PCLO: variants seen among roughly 807,000 people sequenced by gnomAD.
PCLO encodes protein piccolo.
A neutral mutation model predicts 427.5 loss-of-function variants in PCLO; 82 were observed. That is an observed-to-expected ratio of 0.19 (90% CI 0.16 to 0.23). The LOEUF is 0.23. Ranked by LOEUF, PCLO falls within the 10% of genes least tolerant of loss-of-function variation. The pLI is 1.00. For missense variants in PCLO, 6,239 were observed against 6,115.9 expected (o/e 1.02, Z -0.67); for synonymous variants, 2,357 against 2,155.4 (o/e 1.09, Z -2.59).
At chr7:82,917,896 C>T (rs1294931027) in intron 6 of PCLO, among the ~76,000 whole-genome samples, 3 of 151,924 alleles carry the variant, frequency 2.0e-5, no homozygotes, top group Admixed American at 2.0e-4. Flanking sequence ...AATTAGATCA[C>T]ATTTTTCCAA....
intron 3 of PCLO, among the ~76,000 whole-genome samples, chr7:83,039,612 G>C (rs1788921582): frequency 2.0e-5 from 3 of 152,078 alleles, no homozygotes; most frequent in Non-Finnish European, 4.4e-5. Context: ...TTTGTAGTAA[G>C]TTTTGAAATT....
At chr7:83,046,391 T>C in intron 3 of PCLO, among the ~76,000 whole-genome samples, 1 of 152,062 alleles carries the variant, frequency 6.6e-6, no homozygotes, top group East Asian at 1.9e-4. Flanking sequence ...ATTTACCATG[T>C]TGTTTCAGAT....
At position 82,914,748 on chromosome 7, in the gene PCLO, C is replaced by T. The variant is rs1415604719; in HGVS notation, c.13238G>A (p.Gly4413Asp). 1.2e-6 allele frequency: 2 copies of T among 1,613,258 alleles called. No individual in the cohort carries two copies. Among genetic ancestry groups the T allele is most frequent in the Non-Finnish European group, 1.7e-6 (2 of 1,179,590 alleles). Residue 4413 changes from glycine to aspartate, a missense_variant, in exon 7 of 25, where the codon GGC becomes GAC. Gly to Asp is a moderately conservative substitution (Grantham distance 94). Coordinates refer to ENST00000333891, the MANE Select transcript of PCLO (RefSeq NM_033026.6). ...QHMREESRTR[G>D]YDRDIAFIMD... Reference sequence around the variant, plus strand: ...GATGAATGCTATGTCACGGTCATAGCCTCGAGTCCGTGATTCTTCCCTCAT... The same window carrying T: ...GATGAATGCTATGTCACGGTCATAGTCTCGAGTCCGTGATTCTTCCCTCAT...
intron 3 of PCLO, among the ~76,000 whole-genome samples, chr7:83,038,118 TGCACACACACAC>T: frequency 8.3e-6 from 1 of 121,140 alleles, no homozygotes; most frequent in Admixed American, 9.9e-5. Context: ...TGTATATATA[TGCACACACACAC>T]ATACACACAC....
At chr7:82,922,332 C>A (rs1198484514) in intron 6 of PCLO, among the ~76,000 whole-genome samples, 1 of 151,942 alleles carries the variant, frequency 6.6e-6, no homozygotes, top group Non-Finnish European at 1.5e-5. Flanking sequence ...GACATAGAAC[C>A]AAGCCAGATG....
intron 3 of PCLO, among the ~76,000 whole-genome samples, chr7:83,037,907 G>C: frequency 7.3e-6 from 1 of 136,578 alleles, no homozygotes; most frequent in South Asian, 2.3e-4. Flanking sequence ...TATAATGTTG[G>C]TTCTCTTTAC....
chr7:82,995,881 A>G (rs1175405902), intron 3 of PCLO, among the ~76,000 whole-genome samples: 2 of 151,970 alleles, frequency 1.3e-5, no homozygotes, highest in African/African-American at 4.8e-5. Context: ...TGTTTGACAT[A>G]TAAGTATGTT....
intron 22 of PCLO, among the ~76,000 whole-genome samples, chr7:82,783,410 C>G (rs1790916047): frequency 6.6e-6 from 1 of 152,016 alleles, no homozygotes; most frequent in Non-Finnish European, 1.5e-5. Context: ...GTCAGGAGAT[C>G]GAGACCATCC....
chr7:82,940,008 T>C (rs893988636), intron 6 of PCLO, among the ~76,000 whole-genome samples: 4 of 152,162 alleles, frequency 2.6e-5, no homozygotes, highest in African/African-American at 9.6e-5. Flanking sequence ...TATGGACTTA[T>C]ATTAAAATGA....
At chr7:83,045,490 TC>T (rs1404054205) in intron 3 of PCLO, among the ~76,000 whole-genome samples, 2 of 152,118 alleles carry the variant, frequency 1.3e-5, no homozygotes, top group African/African-American at 4.8e-5. Flanking sequence ...TATTTTCTCC[TC>T]AGATATTTGC....
At chr7:82,840,906 T>C (rs1792350126) in intron 14 of PCLO, among the ~76,000 whole-genome samples, 1 of 151,844 alleles carries the variant, frequency 6.6e-6, no homozygotes, top group African/African-American at 2.4e-5. Context: ...CAGAAATATA[T>C]AAATATCAAA....
Position 83,006,619 on chromosome 7 carries a change from C to T in PCLO, c.3301-40132G>A, listed in dbSNP as rs1216074090. On this transcript the variant is annotated intron_variant, in intron 3 of 24. Coordinates refer to ENST00000333891, the MANE Select transcript of PCLO (RefSeq NM_033026.6). Reference sequence around the variant, plus strand: ...GACAGTATTATTTTTATTCAACATGCTGAGTATACTCCTTCTTTTCATTTC... The same window carrying T: ...GACAGTATTATTTTTATTCAACATGTTGAGTATACTCCTTCTTTTCATTTC... 2.0e-5 allele frequency among the ~76,000 whole-genome samples: 3 copies of T among 151,372 alleles called. No homozygotes were observed. The Admixed American group carries it at 2.0e-4, about 10-fold the overall frequency.
chr7:83,033,957 T>C (rs928010305), intron 3 of PCLO, among the ~76,000 whole-genome samples: 3 of 152,180 alleles, frequency 2.0e-5, no homozygotes, highest in Non-Finnish European at 4.4e-5. Flanking sequence ...GAAAACAGTA[T>C]CATATTTATC....
intron 16 of PCLO, among the ~76,000 whole-genome samples, chr7:82,833,255 G>C (rs1380482154): frequency 6.6e-6 from 1 of 152,110 alleles, no homozygotes; most frequent in African/African-American, 2.4e-5. Flanking sequence ...TGGGCTTCCA[G>C]GTATAAAGAT....
intron 22 of PCLO, among the ~76,000 whole-genome samples, chr7:82,775,760 G>A (rs1790736792): frequency 6.6e-6 from 1 of 151,986 alleles, no homozygotes; most frequent in Admixed American, 6.6e-5. Context: ...CATAGACTGT[G>A]CCTTTGATAT....
In PCLO at chr7:82,824,212, T is replaced by C. The variant is rs1437284314; in HGVS notation, c.14596+24A>G. 3.2e-6 allele frequency: 5 copies of C among 1,540,382 alleles called. No homozygotes were observed. The East Asian group carries it at 1.2e-4, about 36-fold the overall frequency. On this transcript the variant is annotated intron_variant, in intron 19 of 24. Coordinates refer to ENST00000333891, the MANE Select transcript of PCLO (RefSeq NM_033026.6). ...CTGAACAAATAGACACAAAACTTTT[T>C]CTACTTAAAAAAATATTTCCTACCC...
chr7:82,863,227 AT>A (rs887423145), intron 10 of PCLO, among the ~76,000 whole-genome samples: 29 of 152,138 alleles, frequency 1.9e-4, no homozygotes, highest in African/African-American at 7.0e-4. Flanking sequence ...GAATGATATA[AT>A]CAAAATTAAA....
intron 22 of PCLO, among the ~76,000 whole-genome samples, chr7:82,791,960 T>C (rs1258936089): frequency 1.3e-5 from 2 of 152,082 alleles, no homozygotes; most frequent in Non-Finnish European, 2.9e-5. Flanking sequence ...AAATTTATTT[T>C]TAAACTTTCA....
At chr7:82,859,608 T>C (rs1792903375) in intron 10 of PCLO, among the ~76,000 whole-genome samples, 1 of 152,116 alleles carries the variant, frequency 6.6e-6, no homozygotes, top group African/African-American at 2.4e-5. Context: ...ATTTGAAATA[T>C]CTGGAAAGCC....
Sources: allele counts gnomAD v4.1 joint callset (sites outside exome capture counted in the v4.1 genomes callset), GRCh38; gene constraint gnomAD v4.1.1; transcripts MANE v1.5; gene names NCBI Gene and HGNC (gene_info 2026-07-23, HGNC 2026-07-21).